Variants in UCHL3 observed in about 807,000 individuals in gnomAD.
The protein encoded by UCHL3 is ubiquitin carboxyl-terminal hydrolase isozyme L3.
UCHL3 carries 22 observed loss-of-function variants against 35.8 expected under a neutral mutation model. That is an observed-to-expected ratio of 0.61 (90% CI 0.44 to 0.88). The LOEUF (loss-of-function observed/expected upper bound fraction) is 0.88, where lower values mean the gene tolerates loss of function less well. Among genes scored for constraint, UCHL3 ranks in the 40% least tolerant of loss-of-function variants. UCHL3 has a pLI of 0.00. For missense variants in UCHL3, 229 were observed against 276.9 expected, an observed-to-expected ratio of 0.83 and a Z score of 1.23; for synonymous variants, 90 against 92.8, an observed-to-expected ratio of 0.97 and a Z score of 0.17.
intron 6 of UCHL3, among the ~76,000 whole-genome samples, chr13:75,585,178 T>A (rs1566223801): frequency 6.6e-6 from 1 of 152,096 alleles, no homozygotes. Context: ...TCAGAGACAC[T>A]AGGTAGGATG....
chr13:75,602,682 A>G (rs751231268), intron 7 of UCHL3, among the ~76,000 whole-genome samples: 1 of 152,196 alleles, frequency 6.6e-6, no homozygotes, highest in Non-Finnish European at 1.5e-5. Context: ...ACCAAGTAGT[A>G]AATATTTTAG....
At chr13:75,590,015 C>T in intron 6 of UCHL3, 1 of 1,304,794 alleles carries the variant, frequency 7.7e-7, no homozygotes, top group Non-Finnish European at 1.0e-6. Context: ...ACCATGCATC[C>T]CTGCCCTGGG....
intron 2 of UCHL3, among the ~76,000 whole-genome samples, chr13:75,557,893 T>C (rs956525591): frequency 3.3e-5 from 5 of 152,044 alleles, no homozygotes; most frequent in Non-Finnish European, 7.4e-5. Context: ...TATCTTTCTG[T>C]ATTTGCATAT....
At chr13:75,552,796 T>C (rs2031157765) in intron 2 of UCHL3, among the ~76,000 whole-genome samples, 1 of 152,226 alleles carries the variant, frequency 6.6e-6, no homozygotes, top group Admixed American at 6.5e-5. Flanking sequence ...TAGAGTGTGA[T>C]ATAGGCAATT....
At chr13:75,590,920 A>G (rs1199523051) in intron 6 of UCHL3, among the ~76,000 whole-genome samples, 2 of 152,216 alleles carry the variant, frequency 1.3e-5, no homozygotes, top group Non-Finnish European at 2.9e-5. Context: ...GAGATACACT[A>G]CAGAATTAAG....
chr13:75,572,929 T>C (rs2031906929), intron 6 of UCHL3, among the ~76,000 whole-genome samples: 1 of 152,206 alleles, frequency 6.6e-6, no homozygotes, highest in Non-Finnish European at 1.5e-5. Context: ...TTTAAATCCC[T>C]GCTTCAGGGA....
At chr13:75,600,753 C>T (rs557234473) in intron 7 of UCHL3, among the ~76,000 whole-genome samples, 7 of 152,334 alleles carry the variant, frequency 4.6e-5, no homozygotes, top group African/African-American at 1.7e-4. Flanking sequence ...CATTCTGCAG[C>T]CCATGGATCA....
intron 7 of UCHL3, among the ~76,000 whole-genome samples, chr13:75,599,016 C>T (rs2032712547): frequency 6.6e-6 from 1 of 152,098 alleles, no homozygotes; most frequent in Admixed American, 6.6e-5. Context: ...TTACTGCAGA[C>T]TTGGCCTTTG....
At chr13:75,605,003 G>C (rs1291316055) in intron 8 of UCHL3, 176 bp downstream of exon 8, 4 of 449,732 alleles carry the variant, frequency 8.9e-6, no homozygotes, top group African/African-American at 8.1e-5. Flanking sequence ...CAAATAAAGA[G>C]GTTTTCACAG....
At chr13:75,582,922 A>T (rs1470494491) in intron 6 of UCHL3, among the ~76,000 whole-genome samples, 3 of 152,184 alleles carry the variant, frequency 2.0e-5, no homozygotes, top group African/African-American at 7.2e-5. Context: ...ATTGCTTGAA[A>T]GTCTTTTTCT....
chr13:75,551,316 G>A (rs1160087976), intron 2 of UCHL3, among the ~76,000 whole-genome samples: 2 of 151,664 alleles, frequency 1.3e-5, no homozygotes, highest in African/African-American at 4.9e-5. Context: ...CTGTAATCCC[G>A]GGTACTTGGG....
chr13:75,566,877 T>C, intron 4 of UCHL3, 26 bp downstream of exon 4: 1 of 1,573,738 alleles, frequency 6.4e-7, no homozygotes, highest in South Asian at 1.2e-5. Flanking sequence ...TTACTGCATT[T>C]TTTCCCCCTT....
intron 6 of UCHL3, among the ~76,000 whole-genome samples, chr13:75,589,682 G>T (rs531539900): frequency 6.6e-6 from 1 of 152,232 alleles, no homozygotes; most frequent in South Asian, 2.1e-4. Flanking sequence ...ATGAGTCTGT[G>T]CTATGCAAAT....
chr13:75,582,523 G>A lies in UCHL3; in HGVS notation c.475-12392G>A, dbSNP rs184620449. ...AATAGTTTTGATGAAATAAATAATT[G>A]TTAGTGATTTTGGACTCTTCACCAG... On this transcript the variant is annotated intron_variant, in intron 6 of 8. Transcript: ENST00000377595. 2.3e-3 allele frequency among the ~76,000 whole-genome samples: 353 copies of A among 152,196 alleles called. 1 individual carries two copies. Among genetic ancestry groups the A allele is most frequent in the African/African-American group, 8.0e-3 (332 of 41,478 alleles).
intron 2 of UCHL3, among the ~76,000 whole-genome samples, chr13:75,552,439 G>A (rs866073311): frequency 5.8e-4 from 89 of 152,304 alleles, no homozygotes; most frequent in African/African-American, 1.9e-3. Flanking sequence ...ATCAATGTGA[G>A]CAAATACTGC....
intron 2 of UCHL3, among the ~76,000 whole-genome samples, chr13:75,550,210 G>A (rs1202994484): frequency 6.6e-6 from 1 of 152,244 alleles, no homozygotes; most frequent in Non-Finnish European, 1.5e-5. Flanking sequence ...CCATTCTGCA[G>A]TCACCACGTA....
At chr13:75,561,556 A>ATG (rs888126029) in intron 3 of UCHL3, among the ~76,000 whole-genome samples, 2 of 151,742 alleles carry the variant, frequency 1.3e-5, no homozygotes, top group Non-Finnish European at 2.9e-5. Context: ...ATATATATAT[A>ATG]AGGAATCTTC....
chr13:75,584,475 A>T (rs1280219264), intron 6 of UCHL3, among the ~76,000 whole-genome samples: 1 of 152,118 alleles, frequency 6.6e-6, no homozygotes, highest in Non-Finnish European at 1.5e-5. Flanking sequence ...CAACAATAAA[A>T]CCCAAACAGT....
chr13:75,574,287 T>G (rs1298001122), intron 6 of UCHL3, among the ~76,000 whole-genome samples: 2 of 152,192 alleles, frequency 1.3e-5, no homozygotes, highest in African/African-American at 2.4e-5. Context: ...TCTGTATTTT[T>G]TTTTATGATA....
Sources: gnomAD v4.1 joint callset for allele counts (sites outside exome capture counted in the v4.1 genomes callset) on GRCh38, gnomAD v4.1.1 for gene constraint, MANE v1.5 for transcripts, NCBI Gene and HGNC (gene_info 2026-07-23, HGNC 2026-07-21) for gene names.